The following OC90 variants were observed in gnomAD, a reference collection of about 807,000 sequenced individuals.
OC90 encodes otoconin 90, also known as otoconin-90.
Under a neutral mutation model 47.3 loss-of-function variants are expected in OC90, and 46 were observed. The ratio of observed to expected loss-of-function variants is 0.97; its 90% confidence interval spans 0.77 to 1.24. OC90 has a LOEUF of 1.24. Among genes scored for constraint, OC90 ranks in the 50% most tolerant of loss-of-function variants. The pLI, the probability that OC90 is intolerant of heterozygous loss-of-function variation, is 0.00. For missense variants in OC90, 688 were observed against 583.9 expected (o/e 1.18, Z -1.84); for synonymous variants, 271 against 219.5 (o/e 1.23, Z -2.07).
chr8:132,046,478 T>C (rs564888119), intron 2 of OC90, among the ~76,000 whole-genome samples: 40 of 152,316 alleles, frequency 2.6e-4, no homozygotes, highest in African/African-American at 9.6e-4. Context: ...AAATGTTACT[T>C]AATGGTGTAA....
chr8:132,036,400 G>T, intron 9 of OC90: 1 of 780,828 alleles, frequency 1.3e-6, no homozygotes, highest in Non-Finnish European at 2.4e-6. Context: ...CAGTCTGTCA[G>T]CCTCAGTCTC....
chr8:132,032,794 G>A (rs1421082999), intron 11 of OC90, among the ~76,000 whole-genome samples: 2 of 152,124 alleles, frequency 1.3e-5, no homozygotes, highest in Non-Finnish European at 2.9e-5. Context: ...AGTGGTGGCA[G>A]CACAAGGTCA....
intron 2 of OC90, among the ~76,000 whole-genome samples, chr8:132,051,717 T>C (rs528580191): frequency 6.6e-6 from 1 of 152,266 alleles, no homozygotes; most frequent in East Asian, 1.9e-4. Flanking sequence ...CCGAGGACTG[T>C]AGACCCAAAT....
In OC90 at chr8:132,048,835, G is replaced by A. The variant is rs80057240; in HGVS notation, c.47-2952C>T. ...GTGTTTGGCCAACTTCGTCACAAGG[G>A]ATGGCTGAGGCACAGTCTACAAGAG... On this transcript the variant is annotated intron_variant, in intron 2 of 13. Transcript: ENST00000254627. Among the ~76,000 whole-genome samples, 16 of 151,534 alleles carry A rather than the reference G, an allele frequency of 1.1e-4. 1 individual carries two copies. Among genetic ancestry groups the A allele is most frequent in the Non-Finnish European group, 1.8e-4 (12 of 68,030 alleles).
chr8:132,058,207 C>T (rs117460797), intron 1 of OC90, among the ~76,000 whole-genome samples: 4 of 152,280 alleles, frequency 2.6e-5, no homozygotes, highest in East Asian at 1.9e-4. Flanking sequence ...ATCTGGGGTA[C>T]GTGCACATTA....
Position 132,024,774 on chromosome 8 carries a change from C to T in OC90, c.1141G>A (p.Gly381Arg). ...AACTTCTCACACAGGCTTTGGCCCC[C>T]ACCTTAGAAGGAAAGAGCAGAGTAG... ...VVCVDHTPKC[G>R]GQSLCEKLLC... Residue 381 changes from glycine (G) to arginine (R), a missense_variant and splice_region_variant, in exon 14 of 14, where the codon GGG (glycine) becomes AGG (arginine). Transcript: ENST00000254627. 1.9e-6 allele frequency: 3 copies of T among 1,611,006 alleles called. No homozygotes were observed. The highest frequency in any genetic ancestry group is 2.5e-6 in the Non-Finnish European group (3 of 1,178,320).
intron 12 of OC90, 89 bp downstream of exon 12, chr8:132,031,792 G>A: frequency 8.6e-7 from 1 of 1,169,088 alleles, no homozygotes; most frequent in Middle Eastern, 2.3e-4. Flanking sequence ...CCAAGTTTCA[G>A]CCTGGTGTCC....
intron 5 of OC90, 59 bp from the exon 6 acceptor site, chr8:132,041,215 G>A: frequency 9.7e-7 from 1 of 1,035,324 alleles, no homozygotes. Flanking sequence ...GGGAGGGCAG[G>A]CAGCTCATGA....
At chr8:132,044,303 C>T (rs935434083) in intron 4 of OC90, 130 bp downstream of exon 4, 2 of 642,324 alleles carry the variant, frequency 3.1e-6, no homozygotes, top group African/African-American at 1.8e-5. Flanking sequence ...CTTGGGTCTC[C>T]TTGTTGGGAG....
chr8:132,037,409 G>C, intron 9 of OC90, 29 bp downstream of exon 9: 1 of 1,561,222 alleles, frequency 6.4e-7, no homozygotes, highest in African/African-American at 1.4e-5. Context: ...GTGTGTCTTT[G>C]GGTTCCACAC....
chr8:132,047,440 C>T (rs936098436), intron 2 of OC90, among the ~76,000 whole-genome samples: 4 of 152,020 alleles, frequency 2.6e-5, no homozygotes, highest in African/African-American at 4.8e-5. Flanking sequence ...CTTAATGCAA[C>T]ATTTTAAGCC....
At position 132,048,910 on chromosome 8, in the gene OC90, G is replaced by A. The variant is rs537367393; in HGVS notation, c.47-3027C>T. On this transcript the variant is annotated intron_variant, in intron 2 of 13. Transcript: ENST00000254627. ...ATCTCACCAAAGGGCCTGCCTGCAG[G>A]GGGCCTGAGGCTGAGGCACCCACAG... Among the ~76,000 whole-genome samples the A allele has an allele frequency of 5.3e-5, 8 of 151,646 alleles. No homozygotes were observed. The East Asian group carries it at 1.6e-3, about 29-fold the overall frequency.
At chr8:132,029,243 A>G (rs1822837365) in intron 12 of OC90, 64 bp from the exon 13 acceptor site, 1 of 1,266,014 alleles carries the variant, frequency 7.9e-7, no homozygotes, top group Non-Finnish European at 1.2e-6. Flanking sequence ...CCCCTCAAGC[A>G]CAGCCTGCTT....
chr8:132,031,008 T>G (rs77562408), intron 12 of OC90, among the ~76,000 whole-genome samples: 1 of 152,174 alleles, frequency 6.6e-6, no homozygotes, highest in East Asian at 1.9e-4. Context: ...GAGAAGGACA[T>G]GTGCCTTTTG....
intron 9 of OC90, among the ~76,000 whole-genome samples, chr8:132,036,060 G>T (rs911550648): frequency 6.6e-6 from 1 of 152,178 alleles, no homozygotes; most frequent in Non-Finnish European, 1.5e-5. Flanking sequence ...TAACTCTGCT[G>T]ATGAAATTTT....
chr8:132,029,197 C>G lies in OC90; in HGVS notation c.1032-18G>C, dbSNP rs777531825. Reference sequence around the variant, plus strand: ...AGCAGCACCTAAGACCAAGGAAAACCCTTTACTTCTCAGAGCTCCTGGCTT... The same window carrying G: ...AGCAGCACCTAAGACCAAGGAAAACGCTTTACTTCTCAGAGCTCCTGGCTT... On this transcript the variant is annotated intron_variant, in intron 12 of 13. Transcript: ENST00000254627. The G allele has an allele frequency of 5.0e-6, 8 of 1,591,416 alleles. No individual in the cohort carries two copies. The South Asian group carries it at 6.6e-5, about 13-fold the overall frequency.
chr8:132,052,919 TAC>T (rs1823234625), intron 2 of OC90, among the ~76,000 whole-genome samples: 1 of 133,202 alleles, frequency 7.5e-6, no homozygotes, highest in Non-Finnish European at 1.6e-5. Context: ...TCTCACCCGG[TAC>T]GTACGGCTTT....
chr8:132,038,480 T>A (rs1299324396), intron 8 of OC90, among the ~76,000 whole-genome samples: 3 of 152,158 alleles, frequency 2.0e-5, no homozygotes, highest in Admixed American at 6.5e-5. Flanking sequence ...TCACACTACA[T>A]ACCAGGGCTC....
intron 4 of OC90, among the ~76,000 whole-genome samples, chr8:132,042,163 G>A (rs1823063629): frequency 6.6e-6 from 1 of 152,124 alleles, no homozygotes; most frequent in African/African-American, 2.4e-5. Context: ...TACCTTGAAT[G>A]TGGATGAGGA....
Sources: gnomAD v4.1 joint callset for allele counts (sites outside exome capture counted in the v4.1 genomes callset) on GRCh38, gnomAD v4.1.1 for gene constraint, MANE v1.5 for transcripts, NCBI Gene and HGNC (gene_info 2026-07-23, HGNC 2026-07-21) for gene names.